The following CAB39 variants were observed in gnomAD, a reference collection of about 807,000 sequenced individuals.
CAB39 encodes the protein calcium-binding protein 39.
Under a neutral mutation model 40.0 loss-of-function variants are expected in CAB39, and 8 were observed. That is an observed-to-expected ratio of 0.20 (90% CI 0.12 to 0.36). The LOEUF is 0.36. Among genes scored for constraint, CAB39 ranks in the 10% least tolerant of loss-of-function variants. The pLI is 1.00. For missense variants in CAB39, 270 were observed against 401.1 expected (o/e 0.67, Z 2.79); for synonymous variants, 156 against 141.6 (o/e 1.10, Z -0.72).
At chr2:230,773,923 A>G (rs538312674) in intron 2 of CAB39, among the ~76,000 whole-genome samples, 83 of 152,288 alleles carry the variant, frequency 5.5e-4, no homozygotes, top group Middle Eastern at 3.4e-3. Flanking sequence ...GACATGGACT[A>G]GGTGACCACT....
At position 230,722,632 on chromosome 2, in the gene CAB39, A is replaced by C. The variant is rs1187425466; in HGVS notation, c.-44+9402A>C. Reference sequence around the variant, plus strand: ...ATAGCAATAATAGAACCTATACATAAAGTAGTTGTGAGGATTCAGTAAGAA... The same window carrying C: ...ATAGCAATAATAGAACCTATACATACAGTAGTTGTGAGGATTCAGTAAGAA... On this transcript the variant is annotated intron_variant, in intron 1 of 8. Transcript: ENST00000258418. Among the ~76,000 whole-genome samples the C allele has an allele frequency of 4.6e-5, 7 of 152,314 alleles. No individual in the cohort carries two copies. In the East Asian group the frequency reaches 1.3e-3, roughly 29 times the overall value.
chr2:230,726,417 C>A (rs1163676459), intron 1 of CAB39, among the ~76,000 whole-genome samples: 1 of 152,022 alleles, frequency 6.6e-6, no homozygotes, highest in Non-Finnish European at 1.5e-5. Flanking sequence ...AGTGAGCTGC[C>A]CACTTCGGAC....
intron 2 of CAB39, among the ~76,000 whole-genome samples, chr2:230,782,331 A>G (rs941563556): frequency 2.6e-5 from 4 of 151,716 alleles, no homozygotes; most frequent in African/African-American, 9.7e-5. Context: ...GTCCATGGTT[A>G]TTTGGTTATT....
intron 2 of CAB39, among the ~76,000 whole-genome samples, chr2:230,790,020 T>C (rs376292889): frequency 6.6e-6 from 1 of 152,094 alleles, no homozygotes. Flanking sequence ...GCCCAGGAGT[T>C]TGAGACCAGC....
chr2:230,784,435 T>C (rs557867119), intron 2 of CAB39, among the ~76,000 whole-genome samples: 2 of 152,286 alleles, frequency 1.3e-5, no homozygotes, highest in Non-Finnish European at 2.9e-5. Context: ...CATTTAACTG[T>C]TAATTAAAGC....
At chr2:230,787,945 G>A (rs1039806679) in intron 2 of CAB39, among the ~76,000 whole-genome samples, 1 of 152,184 alleles carries the variant, frequency 6.6e-6, no homozygotes, top group Non-Finnish European at 1.5e-5. Flanking sequence ...ACAACTATCT[G>A]ATTCTGAATT....
chr2:230,744,719 T>C (rs1382109171), intron 1 of CAB39, among the ~76,000 whole-genome samples: 1 of 152,256 alleles, frequency 6.6e-6, no homozygotes, highest in East Asian at 1.9e-4. Flanking sequence ...TTATCATAAC[T>C]TTAGTTTTTG....
chr2:230,714,275 G>A (rs1245738041), intron 1 of CAB39, among the ~76,000 whole-genome samples: 1 of 152,176 alleles, frequency 6.6e-6, no homozygotes, highest in African/African-American at 2.4e-5. Context: ...TAGGCTAGGG[G>A]ATATTAAAGG....
intron 1 of CAB39, among the ~76,000 whole-genome samples, chr2:230,732,183 G>T (rs1052372329): frequency 6.6e-6 from 1 of 151,982 alleles, no homozygotes; most frequent in Non-Finnish European, 1.5e-5. Flanking sequence ...CCGGGTCCAC[G>T]CCATTCTCCT....
intron 1 of CAB39, among the ~76,000 whole-genome samples, chr2:230,748,993 C>T (rs114965168): frequency 0.02 from 2,853 of 144,124 alleles, 85 homozygotes; most frequent in African/African-American, 0.07. Flanking sequence ...GATAAATGTG[C>T]GCCCCCCGCC....
Position 230,731,785 on chromosome 2 carries a change from A to G in CAB39, c.-44+18555A>G, listed in dbSNP as rs531729480. On this transcript the variant is annotated intron_variant, in intron 1 of 8. Transcript: ENST00000258418. ...TGCTGGGATTATGATGTGAGCCACCATGCCCAGCTGAATTGTATGCTGAAT... is the reference window on the plus strand; with the variant it reads ...TGCTGGGATTATGATGTGAGCCACCGTGCCCAGCTGAATTGTATGCTGAAT... 2.6e-5 allele frequency among the ~76,000 whole-genome samples: 4 copies of G among 152,082 alleles called. No homozygotes were observed. The South Asian group carries it at 8.3e-4, about 32-fold the overall frequency.
chr2:230,768,598 T>C (rs1161423704), intron 2 of CAB39, among the ~76,000 whole-genome samples: 1 of 152,204 alleles, frequency 6.6e-6, no homozygotes, highest in East Asian at 1.9e-4. Context: ...ATTAGCCAAG[T>C]TTGTGAAAGA....
intron 1 of CAB39, among the ~76,000 whole-genome samples, chr2:230,744,583 C>T (rs1445235327): frequency 3.9e-5 from 6 of 152,376 alleles, no homozygotes; most frequent in African/African-American, 9.6e-5. Flanking sequence ...TGAGCCACCA[C>T]GCCTGGCCTC....
chr2:230,717,603 TC>T (rs1358857200), intron 1 of CAB39, among the ~76,000 whole-genome samples: 1 of 152,216 alleles, frequency 6.6e-6, no homozygotes, highest in Non-Finnish European at 1.5e-5. Flanking sequence ...AATAAAATGA[TC>T]AGTGTTCTGC....
intron 1 of CAB39, among the ~76,000 whole-genome samples, chr2:230,754,380 T>TTCCCCTCCTTCTTCCC (rs1178436854): frequency 0.077 from 10,389 of 134,110 alleles, 846 homozygotes; most frequent in Non-Finnish European, 0.1. Flanking sequence ...TCTGCCTTCC[T>TTCCCCTCCTTCTTCCC]CTTCCCCTCC....
At chr2:230,764,585 C>T (rs1339206830) in intron 2 of CAB39, among the ~76,000 whole-genome samples, 1 of 152,144 alleles carries the variant, frequency 6.6e-6, no homozygotes, top group Non-Finnish European at 1.5e-5. Flanking sequence ...TAAATAACAC[C>T]ACTGATCTCA....
intron 2 of CAB39, among the ~76,000 whole-genome samples, chr2:230,777,194 TA>T (rs1326654263): frequency 6.6e-6 from 1 of 151,976 alleles, no homozygotes; most frequent in East Asian, 1.9e-4. Context: ...TACAAGACTA[TA>T]AAGAAAAAAA....
intron 5 of CAB39, among the ~76,000 whole-genome samples, chr2:230,808,430 ACACAC>A (rs572747647): frequency 8.5e-5 from 13 of 152,302 alleles, no homozygotes; most frequent in African/African-American, 2.9e-4. Flanking sequence ...TCAGCCATAA[ACACAC>A]CACAATAGCA....
intron 4 of CAB39, among the ~76,000 whole-genome samples, chr2:230,794,132 GA>G (rs1695938892): frequency 6.6e-6 from 1 of 152,144 alleles, no homozygotes; most frequent in African/African-American, 2.4e-5. Flanking sequence ...CTGTTGGTGT[GA>G]ATCAGCTTGC....
Sources: gnomAD v4.1 joint callset for allele counts (sites outside exome capture counted in the v4.1 genomes callset) on GRCh38, gnomAD v4.1.1 for gene constraint, MANE v1.5 for transcripts, NCBI Gene and HGNC (gene_info 2026-07-23, HGNC 2026-07-21) for gene names.